The following ITGA9 variants were observed in gnomAD, a reference collection of about 807,000 sequenced individuals.
The protein encoded by ITGA9 is integrin alpha-9.
In ITGA9, 56 loss-of-function variants were observed where a neutral mutation model predicts 127.8. The ratio of observed to expected loss-of-function variants is 0.44; its 90% CI spans 0.35 to 0.55. The LOEUF (loss-of-function observed/expected upper bound fraction) is 0.55, where lower values mean the gene tolerates loss of function less well. ITGA9 is among the 20% of genes least tolerant of loss of function. The probability of loss-of-function intolerance (pLI) is 0.00; values close to 1 mark genes in which losing one functional copy is unlikely to be tolerated. For missense variants in ITGA9, 1,196 were observed against 1,347.1 expected, an observed-to-expected ratio of 0.89 and a Z score of 1.76; for synonymous variants, 508 against 514.5, an observed-to-expected ratio of 0.99 and a Z score of 0.17.
At chr3:37,722,742 C>A (rs769976565) in intron 18 of ITGA9, among the ~76,000 whole-genome samples, 1 of 152,142 alleles carries the variant, frequency 6.6e-6, no homozygotes, top group Non-Finnish European at 1.5e-5. Context: ...AGATTGTTTC[C>A]AGTTTTTGGC....
Position 37,618,259 on chromosome 3 carries a change from G to A in ITGA9, c.1690-10928G>A, listed in dbSNP as rs185410399. 1.5e-3 allele frequency among the ~76,000 whole-genome samples: 233 copies of A among 152,330 alleles called. 4 individuals carry two copies. Among genetic ancestry groups the A allele is most frequent in the African/African-American group, 5.3e-3 (219 of 41,578 alleles). On this transcript the variant is annotated intron_variant, in intron 15 of 27. Transcript: ENST00000264741. ...CCCTGTTTGCCTGGGTATCAGCAGC[G>A]GAGGCTGCAGAACAGTGGATATTGG...
chr3:37,767,896 G>A (rs544349295), intron 23 of ITGA9, among the ~76,000 whole-genome samples: 193 of 152,290 alleles, frequency 1.3e-3, no homozygotes, highest in Non-Finnish European at 2.1e-3. Flanking sequence ...GCACACACGA[G>A]TAGCATGAAA....
At chr3:37,542,885 G>T (rs960144384) in intron 15 of ITGA9, among the ~76,000 whole-genome samples, 2 of 151,866 alleles carry the variant, frequency 1.3e-5, no homozygotes, top group Non-Finnish European at 2.9e-5. Context: ...TATGAGGCTT[G>T]GTAGCCTTTT....
chr3:37,634,521 A>G (rs1700259044), intron 16 of ITGA9, among the ~76,000 whole-genome samples: 1 of 152,214 alleles, frequency 6.6e-6, no homozygotes, highest in Non-Finnish European at 1.5e-5. Flanking sequence ...TTATACAATG[A>G]TAAAGGGATC....
chr3:37,767,691 T>C (rs957656497), intron 23 of ITGA9, among the ~76,000 whole-genome samples: 2 of 152,220 alleles, frequency 1.3e-5, no homozygotes, highest in African/African-American at 4.8e-5. Flanking sequence ...AGACTGTTTC[T>C]GTTTTTTGGA....
rs959930784 is a variant in ITGA9 at position 37,777,254 on chromosome 3, C to T, written c.2542-138C>T. ...AACTTCTGCCTTTCAGCTTTTCAGC[C>T]ATTGTTCTCCACTTCAAAATGGACA... On this transcript the variant is annotated intron_variant, in intron 23 of 27. Transcript: ENST00000264741. 3.2e-6 allele frequency: 3 copies of T among 945,414 alleles called. No homozygotes were observed. The African/African-American group carries it at 4.9e-5, about 15-fold the overall frequency. 58.6% of individuals were successfully genotyped at this position (945,414 alleles called of 1,614,324 possible).
intron 19 of ITGA9, among the ~76,000 whole-genome samples, chr3:37,734,115 A>T (rs1696330021): frequency 6.6e-6 from 1 of 152,222 alleles, no homozygotes. Flanking sequence ...CAAGTGGCCC[A>T]TGACTCCTCG....
At chr3:37,537,230 A>G (rs923217107) in intron 14 of ITGA9, among the ~76,000 whole-genome samples, 2 of 152,124 alleles carry the variant, frequency 1.3e-5, no homozygotes. Context: ...ATGGGGGGAA[A>G]ATTGAAAACT....
chr3:37,769,315 G>A (rs1261783202), intron 23 of ITGA9, among the ~76,000 whole-genome samples: 1 of 140,302 alleles, frequency 7.1e-6, no homozygotes, highest in East Asian at 2.0e-4. Flanking sequence ...TCCAGCCTGG[G>A]CAATAAGAGC....
chr3:37,752,979 G>T (rs1696607059), intron 23 of ITGA9, among the ~76,000 whole-genome samples: 1 of 152,150 alleles, frequency 6.6e-6, no homozygotes, highest in South Asian at 2.1e-4. Flanking sequence ...CTTAAAAACA[G>T]AGCCACGGTG....
At chr3:37,541,577 T>A (rs1355530506) in intron 14 of ITGA9, among the ~76,000 whole-genome samples, 1 of 152,226 alleles carries the variant, frequency 6.6e-6, no homozygotes, top group Non-Finnish European at 1.5e-5. Context: ...TTTTTTTAAA[T>A]TCAAGACTGT....
chr3:37,770,262 A>G (rs1386334885), intron 23 of ITGA9, among the ~76,000 whole-genome samples: 1 of 152,202 alleles, frequency 6.6e-6, no homozygotes, highest in African/African-American at 2.4e-5. Context: ...AGCACCTAAT[A>G]TTGTATTATT....
intron 15 of ITGA9, among the ~76,000 whole-genome samples, chr3:37,553,703 C>T (rs146088743): frequency 1.1e-4 from 16 of 152,350 alleles, no homozygotes; most frequent in African/African-American, 3.8e-4. Flanking sequence ...TCCTCTGCTC[C>T]TGGGAGCACA....
intron 8 of ITGA9, among the ~76,000 whole-genome samples, chr3:37,512,850 C>T (rs1450619404): frequency 1.3e-5 from 2 of 152,148 alleles, no homozygotes; most frequent in African/African-American, 2.4e-5. Context: ...AGACAAGTGT[C>T]ACTTGCCACA....
rs1489492090 is a variant in ITGA9, at chr3:37,597,781, C to G, written c.1690-31406C>G. On this transcript the variant is annotated intron_variant, in intron 15 of 27. Coordinates refer to ENST00000264741, the MANE Select transcript of ITGA9 (RefSeq NM_002207.3). The surrounding 1 kb of genome is among the most constrained non-coding windows in gnomAD (Gnocchi z 4.6). ...GCAGCTGGGATTAGCAGTGGCTTGGCTAGCTGGCTCTGCTGATTTGGGCAG... is the reference window on the plus strand; with the variant it reads ...GCAGCTGGGATTAGCAGTGGCTTGGGTAGCTGGCTCTGCTGATTTGGGCAG... Among the ~76,000 whole-genome samples the G allele has an allele frequency of 6.6e-6, 1 of 152,208 alleles. No homozygotes were observed. The highest frequency in any genetic ancestry group is 2.4e-5 in the African/African-American group (1 of 41,462).
intron 26 of ITGA9, among the ~76,000 whole-genome samples, chr3:37,793,190 T>C (rs1357620534): frequency 6.6e-6 from 1 of 151,920 alleles, no homozygotes; most frequent in African/African-American, 2.4e-5. Flanking sequence ...GGGGTGAGGT[T>C]CCTGGAACTC....
chr3:37,697,400 T>C (rs1700897133), intron 18 of ITGA9, among the ~76,000 whole-genome samples: 1 of 151,828 alleles, frequency 6.6e-6, no homozygotes, highest in South Asian at 2.1e-4. Context: ...GTTTGTTACA[T>C]AGGTATACAT....
intron 18 of ITGA9, among the ~76,000 whole-genome samples, chr3:37,696,011 C>G (rs1272834067): frequency 6.6e-6 from 1 of 152,190 alleles, no homozygotes; most frequent in Non-Finnish European, 1.5e-5. Flanking sequence ...TCCAACACTA[C>G]AGCTGCATTC....
At chr3:37,456,047 C>T (rs1698253934) in intron 1 of ITGA9, among the ~76,000 whole-genome samples, 1 of 152,086 alleles carries the variant, frequency 6.6e-6, no homozygotes, top group Non-Finnish European at 1.5e-5. Flanking sequence ...TTGCTTTTCC[C>T]AGCCCTGGTG....
Sources: allele counts gnomAD v4.1 joint callset (sites outside exome capture counted in the v4.1 genomes callset), GRCh38; gene constraint gnomAD v4.1.1; non-coding constraint Gnocchi (gnomAD v3.1); transcripts MANE v1.5; gene names NCBI Gene and HGNC (gene_info 2026-07-23, HGNC 2026-07-21).